Variants in PHKA1 observed in about 807,000 individuals in gnomAD.
The protein encoded by PHKA1 is phosphorylase b kinase regulatory subunit alpha, skeletal muscle isoform.
A neutral mutation model predicts 110.2 loss-of-function variants in PHKA1; 60 were observed. The ratio of observed to expected loss-of-function variants is 0.54; its 90% CI spans 0.44 to 0.68. PHKA1 has a LOEUF of 0.68. Among genes scored for constraint, PHKA1 ranks in the 30% least tolerant of loss-of-function variants. The pLI, the probability that PHKA1 is intolerant of heterozygous loss-of-function variation, is 0.00. For missense variants in PHKA1, 801 were observed against 942.5 expected (o/e 0.85, Z 1.97); for synonymous variants, 316 against 333.6 (o/e 0.95, Z 0.58).
intron 28 of PHKA1, among the ~76,000 whole-genome samples, chrX:72,599,159 T>C (rs782078429): frequency 6.7e-4 from 75 of 112,080 alleles, no homozygotes; most frequent in Non-Finnish European, 1.2e-3. Context: ...CCAAGTCTTA[T>C]TAGTTCATTA....
rs782268027 is a variant in PHKA1, at chrX:72,618,811, G to T, written c.2268C>A (p.Asp756Glu). The change falls in exon 21 of 32, where the codon GAC becomes GAA. Residue 756 changes from aspartate (D) to glutamate (E), a missense_variant. Physicochemically the swap from Asp to Glu is conservative, Grantham distance 45 (BLOSUM62 2). Around this residue, in one of 2 missense-constraint regions of PHKA1, gnomAD observed 502 missense variants for 519.2 expected, o/e 0.97. Coordinates refer to ENST00000373542, the MANE Select transcript of PHKA1 (RefSeq NM_002637.4). ...CTTTAAAGTCCACCTCCCCAGACTG[G>T]TCTCTAGGAAGATGTATTTCTACAC... ...SVRVEIHLPR[D>E]QSGEVDFKAL... 2.5e-6 allele frequency: 3 copies of T among 1,198,208 alleles called. No individual in the cohort carries two copies. Among genetic ancestry groups the T allele is most frequent in the African/African-American group, 3.5e-5 (2 of 56,995 alleles).
intron 23 of PHKA1, among the ~76,000 whole-genome samples, chrX:72,606,005 T>C (rs782711953): frequency 1.6e-4 from 18 of 112,559 alleles, no homozygotes; most frequent in South Asian, 1.5e-3. Context: ...ACAATGTTTC[T>C]ACATATTTAC....
Position 72,636,224 on chromosome X carries a change from ATTTTC to A in PHKA1, c.1569+48_1569+52del, listed in dbSNP as rs1453706584. On this transcript the variant is annotated intron_variant, in intron 15 of 31. Transcript: ENST00000373542. ...CAGTAAATGCTTTATTTCTCCAATG[ATTTTC>A]TTTTATTTCCATTCATCTCAATGCA... 5 of 757,413 alleles carry A rather than the reference ATTTTC, an allele frequency of 6.6e-6. No individual in the cohort carries two copies. In the Admixed American group the frequency reaches 1.1e-4, roughly 17 times the overall value. 62.4% of individuals were successfully genotyped at this position (757,413 alleles called of 1,213,427 possible).
At chrX:72,660,142 T>A (rs1008212001) in intron 8 of PHKA1, among the ~76,000 whole-genome samples, 1 of 112,232 alleles carries the variant, frequency 8.9e-6, no homozygotes, top group East Asian at 2.8e-4. Flanking sequence ...TCAGTCTGAA[T>A]TCCATCTTTC....
At chrX:72,667,201 G>A (rs1163015493) in intron 7 of PHKA1, among the ~76,000 whole-genome samples, 174 bp downstream of exon 7, 1 of 112,414 alleles carries the variant, frequency 8.9e-6, no homozygotes, top group Non-Finnish European at 1.9e-5. Context: ...TATAGCCCAT[G>A]CTATATTTGG....
At chrX:72,618,623 G>C (rs956667139) in intron 21 of PHKA1, 87 bp downstream of exon 21, 4 of 815,776 alleles carry the variant, frequency 4.9e-6, no homozygotes, top group Non-Finnish European at 7.3e-6. Flanking sequence ...CCAGATCAGC[G>C]AAACTCCAAA....
chrX:72,647,152 C>A (rs1487775282), intron 13 of PHKA1, among the ~76,000 whole-genome samples: 3 of 109,796 alleles, frequency 2.7e-5, no homozygotes, highest in Non-Finnish European at 5.7e-5. Flanking sequence ...AAAGTTACTA[C>A]AGTAATGCAA....
chrX:72,594,038 C>T (rs934692629), intron 28 of PHKA1, among the ~76,000 whole-genome samples: 5 of 111,071 alleles, frequency 4.5e-5, no homozygotes, highest in Non-Finnish European at 7.5e-5. Flanking sequence ...TGGAAATTAA[C>T]ACACTTCTAA....
In PHKA1 at chrX:72,710,042, CAAAAAAAAAAAA is replaced by C. The variant is rs374071163; in HGVS notation, c.237+2725_237+2736del. On this transcript the variant is annotated intron_variant, in intron 2 of 31. Transcript: ENST00000373542. ...GGGCAATAGAGCAAGACTTAGTCTTCAAAAAAAAAAAAAAAAAAAAAAAGCTTCTCAAAGTAC... is the reference window on the plus strand; with the variant it reads ...GGGCAATAGAGCAAGACTTAGTCTTCAAAAAAAAAAAGCTTCTCAAAGTAC... 3.1e-4 allele frequency among the ~76,000 whole-genome samples: 6 copies of C among 19,256 alleles called. No individual in the cohort carries two copies. In the East Asian group the frequency reaches 0.011, roughly 36 times the overall value. The allele number at this position is 19,256 out of a possible 115,157, so 16.7% of individuals were successfully genotyped here. A position where few individuals can be genotyped will look rare whatever the true frequency, so the allele number is the denominator to read the frequency against.
chrX:72,677,064 A>C (rs1363518973), intron 5 of PHKA1, among the ~76,000 whole-genome samples: 3 of 112,255 alleles, frequency 2.7e-5, no homozygotes, highest in Non-Finnish European at 5.6e-5. Context: ...AGTCTCTTCT[A>C]ATCAGTGACA....
intron 4 of PHKA1, among the ~76,000 whole-genome samples, chrX:72,693,437 C>G (rs1438657469): frequency 8.9e-6 from 1 of 112,218 alleles, no homozygotes; most frequent in African/African-American, 3.2e-5. Context: ...TGTGTCCTTA[C>G]AGCCTGCCTC....
chrX:72,670,856 G>A (rs1419620350), intron 6 of PHKA1, among the ~76,000 whole-genome samples: 4 of 111,888 alleles, frequency 3.6e-5, no homozygotes, highest in African/African-American at 9.8e-5. Context: ...CTCAATAGAT[G>A]CAGAAAGGGC....
chrX:72,667,272 A>G lies in PHKA1; in HGVS notation c.717+103T>C, dbSNP rs537484497. ...TTGGTACATGGTAATTAATCAGATG[A>G]TGCACTGTCTCTCATTCAGCTATCC... On this transcript the variant is annotated intron_variant, in intron 7 of 31. Coordinates refer to ENST00000373542, the MANE Select transcript of PHKA1 (RefSeq NM_002637.4). The G allele has an allele frequency of 1.9e-3, 1,110 of 594,250 alleles. 12 individuals carry two copies. The Middle Eastern group carries it at 0.025, about 13-fold the overall frequency. The allele number at this position is 594,250 out of a possible 1,213,427, so 49.0% of individuals were successfully genotyped here.
At chrX:72,684,879 G>A (rs189653301) in intron 4 of PHKA1, among the ~76,000 whole-genome samples, 2 of 111,736 alleles carry the variant, frequency 1.8e-5, no homozygotes, top group East Asian at 5.6e-4. Flanking sequence ...ATGCTTAAAT[G>A]TACAAACCTA....
At chrX:72,693,771 A>G (rs1182241908) in intron 4 of PHKA1, among the ~76,000 whole-genome samples, 3 of 111,524 alleles carry the variant, frequency 2.7e-5, no homozygotes, top group African/African-American at 9.8e-5. Context: ...AGAGAGATAC[A>G]GTGTCCCTAA....
At chrX:72,673,636 T>C (rs1252550299) in intron 6 of PHKA1, among the ~76,000 whole-genome samples, 10 of 110,124 alleles carry the variant, frequency 9.1e-5, no homozygotes, top group African/African-American at 3.3e-4. Flanking sequence ...TCCAAAGGTA[T>C]TTCTCTGTCA....
chrX:72,609,577 A>G, intron 23 of PHKA1, 47 bp downstream of exon 23: 1 of 909,925 alleles, frequency 1.1e-6, no homozygotes, highest in Non-Finnish European at 1.6e-6. Context: ...TTCTAAGTCC[A>G]CACCACTCCT....
At chrX:72,638,878 G>C (rs2053261439) in intron 14 of PHKA1, among the ~76,000 whole-genome samples, 1 of 111,815 alleles carries the variant, frequency 8.9e-6, no homozygotes, top group South Asian at 3.7e-4. Context: ...TTAAGAATCA[G>C]CAAATGCCTC....
chrX:72,660,761 ATGGTTCTTTG>A (rs1462985942), intron 8 of PHKA1: 13 of 269,430 alleles, frequency 4.8e-5, no homozygotes, highest in Non-Finnish European at 9.2e-5. Context: ...AAAGAAAATA[ATGGTTCTTTG>A]TGTTTAATGT....
Sources: allele counts gnomAD v4.1 joint callset (sites outside exome capture counted in the v4.1 genomes callset), GRCh38; gene constraint gnomAD v4.1.1; regional missense constraint gnomAD v4.1.1; transcripts MANE v1.5; gene names NCBI Gene and HGNC (gene_info 2026-07-23, HGNC 2026-07-21).